The following NSD2 variants were observed in gnomAD, a reference collection of about 807,000 sequenced individuals.
NSD2 encodes histone-lysine N-methyltransferase NSD2.
Under a neutral mutation model 139.0 loss-of-function variants are expected in NSD2, and 12 were observed. The ratio of observed to expected loss-of-function variants is 0.09; its 90% CI spans 0.06 to 0.14. The LOEUF (loss-of-function observed/expected upper bound fraction) is 0.14. Among genes scored for constraint, NSD2 ranks in the 10% least tolerant of loss-of-function variants. NSD2 has a pLI of 1.00. For missense variants in NSD2, 1,155 were observed against 1,745.0 expected (o/e 0.66, Z 6.02); for synonymous variants, 669 against 648.7 (o/e 1.03, Z -0.48).
In NSD2 at chr4:1,918,219, T is replaced by C. The variant is rs766466000; in HGVS notation, c.1006T>C (p.Ser336Pro). ...TCAAGCAGAAGAAGCTGCAAGCATG[T>C]CAGTGGAGGAGCGGAAAGCCAAGTT... ...IVQAEEAASM[S>P]VEERKAKFTF... is the part of the protein sequence containing the mutation. Residue 336 changes from serine to proline, a missense_variant, in exon 5 of 22, where the codon TCA (serine) becomes CCA (proline). By Grantham distance (74) the Ser-to-Pro change is moderately conservative. Around this residue, in one of 8 missense-constraint regions of NSD2, gnomAD observed 420 missense variants for 469.0 expected, o/e 0.90. Coordinates refer to ENST00000508803, the MANE Select transcript of NSD2 (RefSeq NM_001042424.3). 21 of 1,613,334 alleles carry C rather than the reference T, an allele frequency of 1.3e-5. No individual in the cohort carries two copies. The highest frequency in any genetic ancestry group is 1.7e-5 in the Non-Finnish European group (20 of 1,179,950).
At chr4:1,943,028 A>G in intron 9 of NSD2, 4 of 1,050,370 alleles carry the variant, frequency 3.8e-6, no homozygotes, top group Non-Finnish European at 4.6e-6. Flanking sequence ...CTTTTGATCC[A>G]AGGCCCCGGA....
In NSD2 at chr4:1,980,201, T is replaced by G. The variant is rs1430663545; in HGVS notation, c.*1292T>G. 2 of 233,154 alleles carry G rather than the reference T, an allele frequency of 8.6e-6. No individual in the cohort carries two copies. The highest frequency in any genetic ancestry group is 1.7e-5 in the Non-Finnish European group (2 of 118,030). 14.4% of individuals were successfully genotyped at this position (233,154 alleles called of 1,614,324 possible). ...ACTCTCCTGTGAGATTTCACTTTAGTTTTTAAAAGGTCCAGTTCTACAGAG... is the reference window on the plus strand; with the variant it reads ...ACTCTCCTGTGAGATTTCACTTTAGGTTTTAAAAGGTCCAGTTCTACAGAG... On this transcript the variant is annotated 3_prime_UTR_variant, in exon 22 of 22. Coordinates refer to ENST00000508803, the MANE Select transcript of NSD2 (RefSeq NM_001042424.3).
At chr4:1,947,674 T>C in intron 9 of NSD2, 3 of 1,055,278 alleles carry the variant, frequency 2.8e-6, no homozygotes, top group Non-Finnish European at 3.4e-6. Context: ...AGGGCTGTTG[T>C]CATTTGTAAA....
At position 1,940,774 on chromosome 4, in the gene NSD2, A is replaced by G. The variant is rs186253588; in HGVS notation, c.1881+996A>G. 9.1e-5 allele frequency: 96 copies of G among 1,060,034 alleles called. 1 individual carries two copies. In the African/African-American group the frequency reaches 9.7e-4, roughly 11 times the overall value. The allele number at this position is 1,060,034 out of a possible 1,614,324, so 65.7% of individuals were successfully genotyped here. A position where few individuals can be genotyped will look rare whatever the true frequency, so the allele number is the denominator to read the frequency against. On this transcript the variant is annotated intron_variant, in intron 9 of 21. Transcript: ENST00000508803. The stretch of plus-strand genomic sequence containing the variant: ...CAGGTCTCTGCCATGGTCCCCAGGA[A>G]GGATGGGGTGTGCCTCAGTTGTTTC...
At position 1,959,452 on chromosome 4, in the gene NSD2, G is replaced by T. The variant is rs373368163; in HGVS notation, c.2986-19G>T. On this transcript the variant is annotated intron_variant, in intron 16 of 21. Coordinates refer to ENST00000508803, the MANE Select transcript of NSD2 (RefSeq NM_001042424.3). ...AGGCTCTCATGTGTGGACCAAGACA[G>T]CTTACTCCTTCCCTGCAGGTGAATA... is the stretch of plus-strand genomic sequence containing the variant. 27 of 1,609,596 alleles carry T rather than the reference G, an allele frequency of 1.7e-5. No individual in the cohort carries two copies. The highest frequency in any genetic ancestry group is 2.2e-5 in the Non-Finnish European group (26 of 1,177,698).
At chr4:1,888,410 CAAAAAAAA>C (rs61397233) in intron 1 of NSD2, among the ~76,000 whole-genome samples, 11 of 53,234 alleles carry the variant, frequency 2.1e-4, no homozygotes, top group Admixed American at 6.8e-4. Flanking sequence ...GAGATTGCCT[CAAAAAAAA>C]AAAAAAAAAA....
In NSD2 at chr4:1,945,707, G is replaced by A. The variant is rs1723555071; in HGVS notation, c.1882-5365G>A. 90 of 1,063,508 alleles carry A rather than the reference G, an allele frequency of 8.5e-5. 3 individuals carry two copies. The South Asian group carries it at 3.6e-3, about 42-fold the overall frequency. The allele number at this position is 1,063,508 out of a possible 1,614,324, so 65.9% of individuals were successfully genotyped here. A position where few individuals can be genotyped will look rare whatever the true frequency, so the allele number is the denominator to read the frequency against. ...AGTCCTTGGCTCGTTTGATCCAGTT[G>A]AGTTGAAAGGGTTGCCTTGGCAGCA... On this transcript the variant is annotated intron_variant, in intron 9 of 21. Transcript: ENST00000508803.
intron 6 of NSD2, among the ~76,000 whole-genome samples, chr4:1,932,121 G>A (rs961825687): frequency 2.6e-5 from 4 of 151,412 alleles, no homozygotes; most frequent in East Asian, 1.9e-4. Flanking sequence ...ATTGTCACGC[G>A]CCCATGACCT....
chr4:1,882,440 G>A (rs1228741541), intron 1 of NSD2, among the ~76,000 whole-genome samples: 1 of 152,144 alleles, frequency 6.6e-6, no homozygotes, highest in Non-Finnish European at 1.5e-5. Context: ...CGAGGCGGGT[G>A]GACACGAGGT....
At chr4:1,920,566 T>C (rs987632680) in intron 5 of NSD2, among the ~76,000 whole-genome samples, 1 of 152,190 alleles carries the variant, frequency 6.6e-6, no homozygotes, top group Non-Finnish European at 1.5e-5. Flanking sequence ...GTAAACACCC[T>C]GTATTTATGG....
At position 1,875,075 on chromosome 4, in the gene NSD2, G is replaced by C. The variant is rs188991855; in HGVS notation, c.-30+3533G>C. On this transcript the variant is annotated intron_variant, in intron 1 of 21. Coordinates refer to ENST00000508803, the MANE Select transcript of NSD2 (RefSeq NM_001042424.3). ...CTCCTGGGCTCAAGCTTTCCTCCCA[G>C]CTCATTCTCCTAAGTAGTTAGGACT... Among the ~76,000 whole-genome samples the C allele has an allele frequency of 6.8e-4, 103 of 151,708 alleles. 2 individuals carry two copies. The East Asian group carries it at 7.8e-3, about 12-fold the overall frequency.
At chr4:1,938,377 C>CTTTTTTTTT in intron 7 of NSD2, 74 bp from the exon 8 acceptor site, 1 of 978,406 alleles carries the variant, frequency 1.0e-6, no homozygotes, top group Non-Finnish European at 1.3e-6. Context: ...TGTTCTTTTT[C>CTTTTTTTTT]TTTTTTTTTC....
chr4:1,917,706 G>A (rs959600753), intron 4 of NSD2, among the ~76,000 whole-genome samples: 1 of 152,052 alleles, frequency 6.6e-6, no homozygotes, highest in African/African-American at 2.4e-5. Context: ...ACAGGTGCTG[G>A]GATTACAGGT....
At chr4:1,924,782 C>T (rs1374686204) in intron 5 of NSD2, among the ~76,000 whole-genome samples, 2 of 151,616 alleles carry the variant, frequency 1.3e-5, no homozygotes, top group African/African-American at 2.4e-5. Flanking sequence ...AGAAAATTAA[C>T]GGGGCATGAT....
intron 15 of NSD2, 74 bp from the exon 16 acceptor site, chr4:1,957,859 A>G: frequency 7.3e-7 from 1 of 1,377,728 alleles, no homozygotes; most frequent in South Asian, 1.3e-5. Context: ...AGAGTGAACT[A>G]TAAAAATATG....
intron 1 of NSD2, among the ~76,000 whole-genome samples, chr4:1,872,227 G>C (rs1243763516): frequency 6.6e-6 from 1 of 152,078 alleles, no homozygotes; most frequent in Non-Finnish European, 1.5e-5. Flanking sequence ...TACCCTGCTG[G>C]GGGGCTGCGC....
At chr4:1,940,453 A>C (rs1418506569) in intron 9 of NSD2, 1 of 1,063,592 alleles carries the variant, frequency 9.4e-7, no homozygotes, top group Non-Finnish European at 1.1e-6. Flanking sequence ...TATCAAACCT[A>C]AATTTTTTGC....
At position 1,924,676 on chromosome 4, in the gene NSD2, C is replaced by T. The variant is rs368865778; in HGVS notation, c.1411-5950C>T. ...CTGTAATCCCAGCACCTTGGGAGGC[C>T]GAGGAGGGTAGGATGCTTGAGGTTG... On this transcript the variant is annotated intron_variant, in intron 5 of 21. Coordinates refer to ENST00000508803, the MANE Select transcript of NSD2 (RefSeq NM_001042424.3). 2.6e-5 allele frequency among the ~76,000 whole-genome samples: 4 copies of T among 151,322 alleles called. No individual in the cohort carries two copies. In the South Asian group the frequency reaches 6.3e-4, roughly 24 times the overall value.
chr4:1,961,162 A>G lies in NSD2; in HGVS notation c.3372+11A>G, dbSNP rs774840645. ...CTCACTATAGACAAGGTAATGCGGA[A>G]CTCCACTGTGAGCTTCTGCAGTGTG... On this transcript the variant is annotated intron_variant, in intron 18 of 21. Transcript: ENST00000508803. The G allele has an allele frequency of 7.5e-6, 12 of 1,591,324 alleles. No homozygotes were observed. The highest frequency in any genetic ancestry group is 1.0e-5 in the Non-Finnish European group (12 of 1,161,828).
Sources: gnomAD v4.1 joint callset for allele counts (sites outside exome capture counted in the v4.1 genomes callset) on GRCh38, gnomAD v4.1.1 for gene constraint, gnomAD v4.1.1 regional missense constraint, MANE v1.5 for transcripts, NCBI Gene and HGNC (gene_info 2026-07-23, HGNC 2026-07-21) for gene names.